The following SERPINA12 variants were observed in gnomAD, a reference collection of about 807,000 sequenced individuals.
SERPINA12 encodes serpin family A member 12, also known as serpin A12.
In SERPINA12, 21 loss-of-function variants were observed where a neutral mutation model predicts 25.9. That is an observed-to-expected ratio of 0.81 (90% CI 0.58 to 1.17). The LOEUF is 1.17. Among genes scored for constraint, SERPINA12 ranks in the 50% most tolerant of loss-of-function variants. SERPINA12 has a pLI of 0.00. For synonymous variants in SERPINA12, 220 were observed against 196.0 expected (o/e 1.12, Z -1.02); for missense variants, 562 against 508.3 (o/e 1.11, Z -1.02).
At chr14:94,511,323 G>A (rs1250028221), upstream of SERPINA12, 1 of 783,182 alleles carries the variant, frequency 1.3e-6, no homozygotes, top group Admixed American at 6.3e-5. Flanking sequence ...CTATACAGAT[G>A]AGAAAGCTGA....
chr14:94,494,987 G>A (rs1289952390), intron 3 of SERPINA12, among the ~76,000 whole-genome samples: 1 of 152,002 alleles, frequency 6.6e-6, no homozygotes, highest in Non-Finnish European at 1.5e-5. Flanking sequence ...CAACGCTCTT[G>A]GGATGCTCTG....
At chr14:94,514,833 A>T (rs58364507) in intron 2 of SERPINA12, among the ~76,000 whole-genome samples, 3,239 of 152,228 alleles carry the variant, frequency 0.021, 109 homozygotes, top group East Asian at 0.15. Flanking sequence ...GTCGGAGTGC[A>T]GTTCAGCAGG....
rs543564590 is a variant in SERPINA12, at chr14:94,503,782, T to G, written c.-33-5352A>C. On this transcript the variant is annotated intron_variant, in intron 1 of 4. Transcript: ENST00000677451. ...TCCAGCCTCTATCCTCAGAGAGAGA[T>G]AAAGATTCACAAACAGCTCACACAC... 4.6e-5 allele frequency among the ~76,000 whole-genome samples: 7 copies of G among 152,276 alleles called. No individual in the cohort carries two copies. In the East Asian group the frequency reaches 1.2e-3, roughly 25 times the overall value.
intron 1 of SERPINA12, among the ~76,000 whole-genome samples, chr14:94,505,947 C>T (rs1190484108): frequency 1.3e-5 from 2 of 152,154 alleles, no homozygotes; most frequent in Admixed American, 6.5e-5. Context: ...AAAAGAGCCC[C>T]GGAGGAGGTG....
At chr14:94,504,835 T>G (rs973123923) in intron 1 of SERPINA12, among the ~76,000 whole-genome samples, 3 of 152,214 alleles carry the variant, frequency 2.0e-5, no homozygotes, top group Admixed American at 6.5e-5. Flanking sequence ...TCCCCCTTAC[T>G]TTTCTATATT....
At chr14:94,515,509 C>T (rs886423128) in intron 2 of SERPINA12, among the ~76,000 whole-genome samples, 2 of 152,290 alleles carry the variant, frequency 1.3e-5, no homozygotes, top group South Asian at 2.1e-4. Context: ...TACAGAGCCT[C>T]GCTCATGTTC....
At chr14:94,513,727 T>A (rs960469217), upstream of SERPINA12, among the ~76,000 whole-genome samples, 1 of 152,174 alleles carries the variant, frequency 6.6e-6, no homozygotes, top group Admixed American at 6.5e-5. Context: ...GATGAATTTT[T>A]AAAAAATTAC....
upstream of SERPINA12, chr14:94,511,713 A>T: frequency 5.1e-6 from 5 of 985,336 alleles, no homozygotes; most frequent in Non-Finnish European, 6.0e-6. Flanking sequence ...GCAGAACTTG[A>T]GTTGAAAAGC....
At chr14:94,511,460 G>C (rs1901108363), upstream of SERPINA12, 1 of 985,272 alleles carries the variant, frequency 1.0e-6, no homozygotes. Context: ...GAAACTTTGG[G>C]AGAAATCAAG....
intron 1 of SERPINA12, chr14:94,501,120 G>C (rs1474258285): frequency 5.1e-6 from 5 of 985,182 alleles, no homozygotes; most frequent in Non-Finnish European, 6.0e-6. Context: ...TCCCAAGAAT[G>C]CTTCAGATAA....
chr14:94,502,327 C>T (rs1025451512), intron 1 of SERPINA12, among the ~76,000 whole-genome samples: 26 of 152,090 alleles, frequency 1.7e-4, no homozygotes, highest in African/African-American at 4.8e-4. Context: ...AGATGGGAAG[C>T]GTCCGCACAG....
At chr14:94,505,547 G>A (rs1246563831) in intron 1 of SERPINA12, among the ~76,000 whole-genome samples, 2 of 152,316 alleles carry the variant, frequency 1.3e-5, no homozygotes, top group East Asian at 3.9e-4. Flanking sequence ...CTGAGACCAA[G>A]GAGTACAGGT....
At chr14:94,490,913 C>A (rs1900153760) in intron 3 of SERPINA12, among the ~76,000 whole-genome samples, 1 of 152,176 alleles carries the variant, frequency 6.6e-6, no homozygotes, top group Non-Finnish European at 1.5e-5. Flanking sequence ...TCGGGCTCCA[C>A]CCCTCCCATC....
Position 94,498,117 on chromosome 14 carries a change from G to T in SERPINA12, c.281C>A (p.Thr94Asn). The T allele has an allele frequency of 6.2e-7, 1 of 1,614,108 alleles. No individual in the cohort carries two copies. The highest frequency in any genetic ancestry group is 8.5e-7 in the Non-Finnish European group (1 of 1,180,032). The change falls in exon 2 of 5, where the codon ACC (threonine) becomes AAC (asparagine). Residue 94 changes from threonine to asparagine, a missense_variant. Physicochemically the swap from Thr to Asn is moderately conservative, Grantham distance 65. Transcript: ENST00000677451. ...GAACCCCTGCTTGATCTCGTCCAGGGTGCTGTCCTGGGCACCCAGGCACAG... is the reference window on the plus strand; with the variant it reads ...GAACCCCTGCTTGATCTCGTCCAGGTTGCTGTCCTGGGCACCCAGGCACAG... The part of the protein sequence containing the change: ...SMLCLGAQDS[T>N]LDEIKQGFNF...
At chr14:94,489,560 C>T (rs1900063217) in intron 4 of SERPINA12, 60 bp downstream of exon 4, 1 of 1,573,906 alleles carries the variant, frequency 6.4e-7, no homozygotes, top group Admixed American at 1.8e-5. Flanking sequence ...CTGGCTCTGG[C>T]CCCGGCTGGG....
rs562588799 is a variant in SERPINA12 at position 94,489,837 on chromosome 14, T to C, written c.906-70A>G. ...GTTGCAGGGCAAGCCTCAGGATACATGACCAATGAAACATGTGTCCTCCCA... is the reference window on the plus strand; with the variant it reads ...GTTGCAGGGCAAGCCTCAGGATACACGACCAATGAAACATGTGTCCTCCCA... On this transcript the variant is annotated intron_variant, in intron 3 of 4. Coordinates refer to ENST00000677451, the MANE Select transcript of SERPINA12 (RefSeq NM_001382267.1). 965 of 1,495,324 alleles carry C rather than the reference T, an allele frequency of 6.5e-4. 13 individuals are homozygous for C. In the South Asian group the frequency reaches 0.011, roughly 17 times the overall value. 92.6% of individuals were successfully genotyped at this position (1,495,324 alleles called of 1,614,324 possible). A position where few individuals can be genotyped will look rare whatever the true frequency, so the allele number is the denominator to read the frequency against.
At chr14:94,490,721 G>A (rs4900233) in intron 3 of SERPINA12, among the ~76,000 whole-genome samples, 14,869 of 152,000 alleles carry the variant, frequency 0.098, 832 homozygotes, top group Middle Eastern at 0.16. Flanking sequence ...CACTCCAGTC[G>A]GCTCTTTGAC....
At chr14:94,490,273 G>T (rs536038023) in intron 3 of SERPINA12, among the ~76,000 whole-genome samples, 1 of 152,140 alleles carries the variant, frequency 6.6e-6, no homozygotes, top group African/African-American at 2.4e-5. Flanking sequence ...CGGGACACTA[G>T]GGGTGCTAAG....
upstream of SERPINA12, among the ~76,000 whole-genome samples, chr14:94,510,492 C>T (rs1392813872): frequency 6.6e-6 from 1 of 152,120 alleles, no homozygotes; most frequent in Non-Finnish European, 1.5e-5. Context: ...AAAGGGAACA[C>T]TTTTACACTG....
Sources: gnomAD v4.1 joint callset for allele counts (sites outside exome capture counted in the v4.1 genomes callset) on GRCh38, gnomAD v4.1.1 for gene constraint, MANE v1.5 for transcripts, NCBI Gene and HGNC (gene_info 2026-07-23, HGNC 2026-07-21) for gene names.